The following DNER variants were observed in gnomAD, a reference collection of about 807,000 sequenced individuals.
DNER encodes the protein delta/notch like EGF repeat containing, also known as delta and Notch-like epidermal growth factor-related receptor.
A neutral mutation model predicts 78.2 loss-of-function variants in DNER; 33 were observed. That is an observed-to-expected ratio of 0.42 (90% CI 0.32 to 0.56). The LOEUF (loss-of-function observed/expected upper bound fraction) is 0.56. Ranked by LOEUF, DNER falls within the 20% of genes least tolerant of loss-of-function variation. The pLI is 0.11. For missense variants in DNER, 918 were observed against 975.3 expected (o/e 0.94, Z 0.78); for synonymous variants, 417 against 384.8 (o/e 1.08, Z -0.98).
intron 11 of DNER, 90 bp from the exon 12 acceptor site, chr2:229,367,209 A>C: frequency 6.5e-7 from 1 of 1,527,588 alleles, no homozygotes; most frequent in Non-Finnish European, 8.8e-7. Context: ...ATAACTTAAA[A>C]CCTAAGGGCC....
chr2:229,683,948 C>G (rs1699431082), intron 1 of DNER, among the ~76,000 whole-genome samples: 1 of 152,004 alleles, frequency 6.6e-6, no homozygotes, highest in East Asian at 1.9e-4. Flanking sequence ...CTCTCCTGTG[C>G]AGAGCACTGT....
chr2:229,395,094 C>T (rs767264699), intron 10 of DNER, among the ~76,000 whole-genome samples: 121 of 152,244 alleles, frequency 7.9e-4, no homozygotes, highest in Non-Finnish European at 1.5e-3. Context: ...GGGTCCAAAA[C>T]ATGACTCTCT....
intron 8 of DNER, among the ~76,000 whole-genome samples, chr2:229,423,564 A>C (rs1402702579): frequency 6.6e-6 from 1 of 151,612 alleles, no homozygotes; most frequent in African/African-American, 2.4e-5. Context: ...GCAGTGCACC[A>C]AGATTGTGCC....
chr2:229,624,823 A>ATTTT (rs1698309492), intron 1 of DNER, among the ~76,000 whole-genome samples: 2 of 152,168 alleles, frequency 1.3e-5, no homozygotes, highest in Non-Finnish European at 2.9e-5. Context: ...ATTTGTGTAC[A>ATTTT]TTTCTGGAGG....
intron 9 of DNER, among the ~76,000 whole-genome samples, chr2:229,411,271 T>A (rs1693512660): frequency 6.6e-6 from 1 of 152,024 alleles, no homozygotes; most frequent in Non-Finnish European, 1.5e-5. Context: ...AATAAGTAGG[T>A]ACAGGCCAGG....
At chr2:229,564,594 T>TCATCATCCTCACCACATCAC (rs1697063934) in intron 4 of DNER, among the ~76,000 whole-genome samples, 1 of 149,288 alleles carries the variant, frequency 6.7e-6, no homozygotes, top group Admixed American at 6.7e-5. Context: ...ATCACCATCA[T>TCATCATCCTCACCACATCAC]CATCATCATC....
At chr2:229,399,382 T>C (rs1204244355) in intron 10 of DNER, among the ~76,000 whole-genome samples, 3 of 151,844 alleles carry the variant, frequency 2.0e-5, no homozygotes, top group East Asian at 1.9e-4. Flanking sequence ...AAAATGTTGA[T>C]GAAAGAAATC....
intron 7 of DNER, among the ~76,000 whole-genome samples, chr2:229,476,262 C>T (rs559328907): frequency 1.4e-3 from 207 of 152,244 alleles, no homozygotes; most frequent in Non-Finnish European, 2.6e-3. Flanking sequence ...GAGGTACTGC[C>T]GATCACATGG....
At chr2:229,438,516 C>A (rs1035944507) in intron 8 of DNER, among the ~76,000 whole-genome samples, 2 of 152,138 alleles carry the variant, frequency 1.3e-5, no homozygotes, top group African/African-American at 4.8e-5. Flanking sequence ...TAGGAATACT[C>A]CAACGGGGGG....
At chr2:229,482,372 A>G (rs1695178779) in intron 6 of DNER, among the ~76,000 whole-genome samples, 1 of 152,166 alleles carries the variant, frequency 6.6e-6, no homozygotes, top group African/African-American at 2.4e-5. Flanking sequence ...GATATAATTC[A>G]TATCCTATTA....
chr2:229,657,397 A>G (rs1044559468), intron 1 of DNER, among the ~76,000 whole-genome samples: 1 of 152,170 alleles, frequency 6.6e-6, no homozygotes, highest in African/African-American at 2.4e-5. Flanking sequence ...GTCAATGAGC[A>G]TTTAGGTTGG....
In DNER at chr2:229,477,340, A is replaced by T. The variant is rs1695058425; in HGVS notation, c.1148-87T>A. Reference sequence around the variant, plus strand: ...CTAGGAATTGATGGATTCAACTGGTACCTGCCCAGTGAAGGCAGTGGCAGC... The same window carrying T: ...CTAGGAATTGATGGATTCAACTGGTTCCTGCCCAGTGAAGGCAGTGGCAGC... On this transcript the variant is annotated intron_variant, in intron 6 of 12. Transcript: ENST00000341772. The T allele has an allele frequency of 3.3e-6, 3 of 898,280 alleles. No homozygotes were observed. In the East Asian group the frequency reaches 7.9e-5, roughly 24 times the overall value. The allele number at this position is 898,280 out of a possible 1,614,324, so 55.6% of individuals were successfully genotyped here. A position where few individuals can be genotyped will look rare whatever the true frequency, so the allele number is the denominator to read the frequency against.
chr2:229,668,418 TTATATATA>T (rs59207662), intron 1 of DNER, among the ~76,000 whole-genome samples: 54,437 of 132,330 alleles, frequency 0.41, 12,787 homozygotes, highest in Non-Finnish European at 0.53. Context: ...AAATATTCTT[TTATATATA>T]TATATATATA....
intron 1 of DNER, among the ~76,000 whole-genome samples, chr2:229,643,987 A>T (rs778644468): frequency 2.6e-5 from 4 of 152,086 alleles, no homozygotes; most frequent in Non-Finnish European, 5.9e-5. Context: ...AGTGCTTTGC[A>T]CCAAGCAGAC....
chr2:229,381,167 G>T (rs113639594), intron 11 of DNER, among the ~76,000 whole-genome samples: 4,456 of 152,072 alleles, frequency 0.029, 96 homozygotes, highest in African/African-American at 0.059. Context: ...GGAAACACAA[G>T]GGGTCAAGAA....
intron 1 of DNER, among the ~76,000 whole-genome samples, chr2:229,661,250 A>G (rs576676567): frequency 6.6e-6 from 1 of 152,260 alleles, no homozygotes; most frequent in South Asian, 2.1e-4. Context: ...CTTAAATGCT[A>G]TAATCAAGCA....
At chr2:229,367,197 A>G in intron 11 of DNER, 78 bp from the exon 12 acceptor site, 1 of 1,572,002 alleles carries the variant, frequency 6.4e-7, no homozygotes, top group Non-Finnish European at 8.6e-7. Context: ...ATCTTTGCAT[A>G]GATAACTTAA....
At chr2:229,441,671 G>A (rs1055218044) in intron 8 of DNER, among the ~76,000 whole-genome samples, 2 of 152,156 alleles carry the variant, frequency 1.3e-5, no homozygotes, top group African/African-American at 4.8e-5. Flanking sequence ...GTGGATACTT[G>A]GTATTTTGCG....
chr2:229,479,891 C>T (rs905979215), intron 6 of DNER, among the ~76,000 whole-genome samples: 3 of 151,968 alleles, frequency 2.0e-5, no homozygotes, highest in African/African-American at 4.8e-5. Flanking sequence ...AAAAGATAAC[C>T]GATTACAAGT....
Sources: allele counts gnomAD v4.1 joint callset (sites outside exome capture counted in the v4.1 genomes callset), GRCh38; gene constraint gnomAD v4.1.1; transcripts MANE v1.5; gene names NCBI Gene and HGNC (gene_info 2026-07-23, HGNC 2026-07-21).